The following OSBPL8 variants were observed in gnomAD, a reference collection of about 807,000 sequenced individuals.
OSBPL8 encodes oxysterol binding protein like 8.
A neutral mutation model predicts 125.5 loss-of-function variants in OSBPL8; 59 were observed. The ratio of observed to expected loss-of-function variants is 0.47; its 90% confidence interval spans 0.38 to 0.58. The LOEUF (loss-of-function observed/expected upper bound fraction) is 0.58, where lower values mean the gene tolerates loss of function less well. Ranked by LOEUF, OSBPL8 falls within the 20% of genes least tolerant of loss-of-function variation. The probability of loss-of-function intolerance (pLI) is 0.00; values close to 1 mark genes in which losing one functional copy is unlikely to be tolerated. For missense variants in OSBPL8, 758 were observed against 1,047.8 expected, an observed-to-expected ratio of 0.72 and a Z score of 3.82; for synonymous variants, 330 against 338.9, an observed-to-expected ratio of 0.97 and a Z score of 0.29.
At chr12:76,417,616 C>G (rs1868857794) in intron 4 of OSBPL8, among the ~76,000 whole-genome samples, 1 of 152,134 alleles carries the variant, frequency 6.6e-6, no homozygotes. Context: ...CTATCTTCAT[C>G]TGTATGTCCA....
intron 1 of OSBPL8, among the ~76,000 whole-genome samples, chr12:76,542,001 G>A (rs1051283123): frequency 6.6e-6 from 1 of 152,010 alleles, no homozygotes; most frequent in Non-Finnish European, 1.5e-5. Context: ...GAGAAACCCT[G>A]TTTCTACTAA....
chr12:76,497,269 T>C (rs948067248), intron 1 of OSBPL8, among the ~76,000 whole-genome samples: 2 of 152,012 alleles, frequency 1.3e-5, no homozygotes, highest in Non-Finnish European at 2.9e-5. Flanking sequence ...AGGATTTCTA[T>C]TGCAACTACT....
intron 1 of OSBPL8, among the ~76,000 whole-genome samples, chr12:76,496,694 C>A (rs924314745): frequency 2.6e-5 from 4 of 152,144 alleles, no homozygotes; most frequent in Non-Finnish European, 5.9e-5. Flanking sequence ...GAACCTGCCA[C>A]CACGCCCAGC....
At chr12:76,542,666 C>G (rs1271822989) in intron 1 of OSBPL8, among the ~76,000 whole-genome samples, 2 of 152,226 alleles carry the variant, frequency 1.3e-5, no homozygotes, top group Admixed American at 6.5e-5. Context: ...CTCCCAGCAT[C>G]TACCCTCATC....
At position 76,559,379 on chromosome 12, in the gene OSBPL8, G is replaced by A. The variant is rs1430294509; in HGVS notation, c.-68+18C>T. On this transcript the variant is annotated intron_variant, in intron 1 of 23. Coordinates refer to ENST00000261183, the MANE Select transcript of OSBPL8 (RefSeq NM_020841.5). ...TGCGAACCCAGCACCCCAACCTCAG[G>A]AATGGAGCAACACTCACCCGTGCGG... 6.6e-6 allele frequency: 1 copy of A among 152,250 alleles called. No individual in the cohort carries two copies. The highest frequency in any genetic ancestry group is 1.5e-5 in the Non-Finnish European group (1 of 68,100). The allele number at this position is 152,250 out of a possible 1,614,324, so 9.4% of individuals were successfully genotyped here.
At chr12:76,438,218 CCTCATGAT>C (rs1482522886) in intron 4 of OSBPL8, among the ~76,000 whole-genome samples, 2 of 152,044 alleles carry the variant, frequency 1.3e-5, no homozygotes, top group East Asian at 3.9e-4. Context: ...GATCTCCTGA[CCTCATGAT>C]CCGCCCGCCT....
intron 2 of OSBPL8, among the ~76,000 whole-genome samples, chr12:76,467,397 A>T (rs769780278): frequency 5.9e-5 from 9 of 152,166 alleles, no homozygotes; most frequent in Non-Finnish European, 8.8e-5. Flanking sequence ...AAAACTTCAA[A>T]ACATTTCTAC....
chr12:76,480,126 C>CA (rs1370896479), intron 2 of OSBPL8, among the ~76,000 whole-genome samples: 2 of 129,736 alleles, frequency 1.5e-5, no homozygotes, highest in East Asian at 4.9e-4. Flanking sequence ...GAGATCGCAC[C>CA]ATTGCACTCC....
intron 2 of OSBPL8, among the ~76,000 whole-genome samples, chr12:76,481,416 A>G (rs998244946): frequency 5.9e-5 from 9 of 152,180 alleles, no homozygotes; most frequent in African/African-American, 1.9e-4. Flanking sequence ...ACATAAAAAA[A>G]CTATTGTTGT....
At chr12:76,402,648 G>T in intron 6 of OSBPL8, 41 bp downstream of exon 6, 1 of 1,402,396 alleles carries the variant, frequency 7.1e-7, no homozygotes, top group Non-Finnish European at 1.0e-6. Flanking sequence ...CACATGCAAA[G>T]CACAATGTAA....
intron 1 of OSBPL8, among the ~76,000 whole-genome samples, chr12:76,499,304 C>CTCTATCTATCTATCTA (rs1555231510): frequency 0.042 from 5,348 of 127,982 alleles, 151 homozygotes; most frequent in East Asian, 0.081. Flanking sequence ...ACTTAATAAA[C>CTCTATCTATCTATCTA]TCTATCTATC....
chr12:76,433,957 AGAGT>A (rs1478532094), intron 4 of OSBPL8, among the ~76,000 whole-genome samples: 1 of 143,466 alleles, frequency 7.0e-6, no homozygotes, highest in African/African-American at 2.6e-5. Context: ...CTTGGGCAAC[AGAGT>A]GAGACTCCAT....
intron 2 of OSBPL8, among the ~76,000 whole-genome samples, chr12:76,483,660 C>CTT (rs869202382): frequency 0.056 from 3,208 of 57,440 alleles, 965 homozygotes; most frequent in African/African-American, 0.11. Flanking sequence ...CTGTAATAGT[C>CTT]TTTTTTTTTT....
At chr12:76,524,183 GAT>G (rs1297905758) in intron 1 of OSBPL8, among the ~76,000 whole-genome samples, 1 of 151,988 alleles carries the variant, frequency 6.6e-6, no homozygotes, top group Non-Finnish European at 1.5e-5. Flanking sequence ...AGCTAAATAA[GAT>G]ATAGGAATAA....
At position 76,538,198 on chromosome 12, in the gene OSBPL8, C is replaced by T. The variant is rs543400034; in HGVS notation, c.-68+21199G>A. Among the ~76,000 whole-genome samples, 4 of 152,196 alleles carry T rather than the reference C, an allele frequency of 2.6e-5. No individual in the cohort carries two copies. The South Asian group carries it at 8.3e-4, about 32-fold the overall frequency. On this transcript the variant is annotated intron_variant, in intron 1 of 23. Transcript: ENST00000261183. ...CTTTTTGAACCCATATATTATACAT[C>T]AATGTAGTCACTAAAATATTTACAA...
chr12:76,448,235 TG>T (rs1872951105), intron 4 of OSBPL8, among the ~76,000 whole-genome samples: 1 of 152,286 alleles, frequency 6.6e-6, no homozygotes, highest in South Asian at 2.1e-4. Flanking sequence ...ATCTATACAA[TG>T]GGTATATTAG....
At chr12:76,380,949 G>T (rs1258236234) in intron 15 of OSBPL8, among the ~76,000 whole-genome samples, 1 of 152,118 alleles carries the variant, frequency 6.6e-6, no homozygotes, top group African/African-American at 2.4e-5. Context: ...GTTGAATTCT[G>T]TCAAATCATT....
intron 4 of OSBPL8, among the ~76,000 whole-genome samples, chr12:76,436,447 G>T (rs2136623198): frequency 6.6e-6 from 1 of 151,880 alleles, no homozygotes; most frequent in East Asian, 1.9e-4. Flanking sequence ...TTTGAAATTT[G>T]TGGACCAGTA....
intron 1 of OSBPL8, among the ~76,000 whole-genome samples, chr12:76,536,090 G>A (rs1399103915): frequency 6.6e-6 from 1 of 151,394 alleles, no homozygotes; most frequent in Non-Finnish European, 1.5e-5. Context: ...AAGTGATATT[G>A]GGGGGGTGTG....
Sources: allele counts gnomAD v4.1 joint callset (sites outside exome capture counted in the v4.1 genomes callset), GRCh38; gene constraint gnomAD v4.1.1; transcripts MANE v1.5; gene names NCBI Gene and HGNC (gene_info 2026-07-23, HGNC 2026-07-21).